Variants in JMJD1C observed in about 807,000 individuals in gnomAD.
JMJD1C encodes the protein jumonji domain-containing protein 1C.
A neutral mutation model predicts 245.3 loss-of-function variants in JMJD1C; 31 were observed. The observed-to-expected ratio is 0.13, with a 90% CI of 0.09 to 0.17. The LOEUF is 0.17. Ranked by LOEUF, JMJD1C falls within the 10% of genes least tolerant of loss-of-function variation. The pLI, the probability that JMJD1C is intolerant of heterozygous loss-of-function variation, is 1.00. For missense variants in JMJD1C, 2,691 were observed against 3,000.2 expected (o/e 0.90, Z 2.41); for synonymous variants, 1,057 against 1,017.4 (o/e 1.04, Z -0.74).
At chr10:63,291,530 G>A (rs1331280632) in intron 2 of JMJD1C, among the ~76,000 whole-genome samples, 8 of 151,010 alleles carry the variant, frequency 5.3e-5, no homozygotes, top group African/African-American at 1.5e-4. Context: ...CAGGAGAATC[G>A]CTTGAACCCG....
chr10:63,357,039 A>G (rs1410149942), intron 2 of JMJD1C, among the ~76,000 whole-genome samples: 4 of 151,982 alleles, frequency 2.6e-5, no homozygotes, highest in Non-Finnish European at 4.4e-5. Flanking sequence ...TACTGACATT[A>G]TATCTTTTTT....
chr10:63,197,755 G>A (rs1357001265), intron 12 of JMJD1C, among the ~76,000 whole-genome samples, 192 bp from the exon 13 acceptor site: 1 of 152,168 alleles, frequency 6.6e-6, no homozygotes, highest in Non-Finnish European at 1.5e-5. Flanking sequence ...ATCATTAAGT[G>A]AAAAATAAAA....
intron 2 of JMJD1C, among the ~76,000 whole-genome samples, chr10:63,336,630 A>G (rs1332906011): frequency 6.6e-6 from 1 of 152,140 alleles, no homozygotes; most frequent in Admixed American, 6.5e-5. Context: ...AAAACAAAGG[A>G]CAAATATTAT....
At chr10:63,415,385 TATCA>T (rs1412082187) in intron 1 of JMJD1C, among the ~76,000 whole-genome samples, 3 of 152,224 alleles carry the variant, frequency 2.0e-5, no homozygotes, top group African/African-American at 7.2e-5. Context: ...AATAAACAGT[TATCA>T]ATTATGCTTC....
At chr10:63,375,519 A>G (rs1229352157) in intron 2 of JMJD1C, among the ~76,000 whole-genome samples, 1 of 142,840 alleles carries the variant, frequency 7.0e-6, no homozygotes, top group East Asian at 2.0e-4. Flanking sequence ...AAAGACTAGA[A>G]GACTTAATAT....
At chr10:63,480,503 C>T (rs77661869) in intron 1 of JMJD1C, among the ~76,000 whole-genome samples, 5,601 of 151,890 alleles carry the variant, frequency 0.037, 332 homozygotes, top group East Asian at 0.29. Flanking sequence ...TTTTATAAAG[C>T]CAACACAACT....
At chr10:63,238,325 T>C (rs1851036115) in intron 3 of JMJD1C, among the ~76,000 whole-genome samples, 1 of 152,030 alleles carries the variant, frequency 6.6e-6, no homozygotes, top group Non-Finnish European at 1.5e-5. Context: ...ATTTTTTTTT[T>C]ACTGCTCCTA....
chr10:63,287,575 T>G (rs1156980701), intron 2 of JMJD1C, among the ~76,000 whole-genome samples: 1 of 152,214 alleles, frequency 6.6e-6, no homozygotes, highest in African/African-American at 2.4e-5. Flanking sequence ...AAATGTTTAG[T>G]CTAAAACCTT....
At chr10:63,216,712 AAAACAAAAAACAAAAAAC>A (rs1415744417) in intron 5 of JMJD1C, among the ~76,000 whole-genome samples, 4 of 141,902 alleles carry the variant, frequency 2.8e-5, no homozygotes, top group Non-Finnish European at 6.5e-5. Flanking sequence ...TCCAGCTCAA[AAAACAAAAAACAAAAAAC>A]AAACAAAAAC....
chr10:63,386,031 A>G (rs1947561846), intron 1 of JMJD1C, among the ~76,000 whole-genome samples: 1 of 152,156 alleles, frequency 6.6e-6, no homozygotes, highest in Non-Finnish European at 1.5e-5. Flanking sequence ...ACTATTGTAA[A>G]GAATAAACTC....
At chr10:63,419,905 A>C (rs1451528240) in intron 1 of JMJD1C, among the ~76,000 whole-genome samples, 1 of 151,614 alleles carries the variant, frequency 6.6e-6, no homozygotes, top group Non-Finnish European at 1.5e-5. Context: ...TGAGAGGCCA[A>C]GGTGGGCAGA....
At chr10:63,443,767 G>T (rs1347384525) in intron 1 of JMJD1C, among the ~76,000 whole-genome samples, 2 of 152,124 alleles carry the variant, frequency 1.3e-5, no homozygotes, top group Admixed American at 6.5e-5. Context: ...TCTATTCAAG[G>T]TCTGGTCTTT....
At chr10:63,427,227 C>A in intron 1 of JMJD1C, 1 of 168,688 alleles carries the variant, frequency 5.9e-6, no homozygotes, top group South Asian at 1.4e-4. Flanking sequence ...GAGCTCCGGT[C>A]CCCGCGTGTC....
intron 1 of JMJD1C, among the ~76,000 whole-genome samples, chr10:63,473,148 ATACT>A (rs1328109433): frequency 6.6e-6 from 1 of 152,224 alleles, no homozygotes; most frequent in Non-Finnish European, 1.5e-5. Flanking sequence ...TAGAGATATA[ATACT>A]TTCTATAAAA....
At chr10:63,323,499 G>A (rs1321722670) in intron 2 of JMJD1C, among the ~76,000 whole-genome samples, 1 of 152,114 alleles carries the variant, frequency 6.6e-6, no homozygotes, top group African/African-American at 2.4e-5. Flanking sequence ...CACCCTGGGT[G>A]ACAGAGCAAG....
intron 2 of JMJD1C, among the ~76,000 whole-genome samples, chr10:63,284,672 T>C (rs1857768360): frequency 6.6e-6 from 1 of 152,140 alleles, no homozygotes; most frequent in South Asian, 2.1e-4. Flanking sequence ...CAAAGCACAT[T>C]CAATATTTAA....
At chr10:63,215,864 T>G (rs1847921821) in intron 5 of JMJD1C, among the ~76,000 whole-genome samples, 168 bp from the exon 6 acceptor site, 1 of 152,228 alleles carries the variant, frequency 6.6e-6, no homozygotes, top group Non-Finnish European at 1.5e-5. Context: ...AAATTACCTT[T>G]TTAACCTTCT....
intron 12 of JMJD1C, 114 bp from the exon 13 acceptor site, chr10:63,197,677 C>A: frequency 2.4e-6 from 2 of 847,182 alleles, no homozygotes; most frequent in Non-Finnish European, 3.5e-6. Context: ...ACTTTCAAGG[C>A]TATATTAACT....
chr10:63,241,914 C>G (rs1851529216), intron 3 of JMJD1C, among the ~76,000 whole-genome samples: 3 of 152,112 alleles, frequency 2.0e-5, no homozygotes. Flanking sequence ...GAAGTTAAAA[C>G]AGACACATCT....
Sources: gnomAD v4.1 joint callset for allele counts (sites outside exome capture counted in the v4.1 genomes callset) on GRCh38, gnomAD v4.1.1 for gene constraint, MANE v1.5 for transcripts, NCBI Gene and HGNC (gene_info 2026-07-23, HGNC 2026-07-21) for gene names.